The following PCDH15 variants were observed in gnomAD, a reference collection of about 807,000 sequenced individuals.
The protein encoded by PCDH15 is protocadherin-15.
A neutral mutation model predicts 178.5 loss-of-function variants in PCDH15; 129 were observed. The observed-to-expected ratio is 0.72, with a 90% confidence interval of 0.63 to 0.84. The LOEUF is 0.84. Among genes scored for constraint, PCDH15 ranks in the 40% least tolerant of loss-of-function variants. PCDH15 has a pLI of 0.00. For missense variants in PCDH15, 2,230 were observed against 2,099.9 expected, an observed-to-expected ratio of 1.06 and a Z score of -1.21; for synonymous variants, 800 against 732.0, an observed-to-expected ratio of 1.09 and a Z score of -1.50.
At chr10:54,703,164 A>C (rs2095329532) in intron 1 of PCDH15, among the ~76,000 whole-genome samples, 1 of 152,132 alleles carries the variant, frequency 6.6e-6, no homozygotes, top group Middle Eastern at 3.2e-3. Context: ...AAGTCTGTTG[A>C]TAAAATTCAG....
chr10:53,988,690 G>T (rs2091270109), intron 21 of PCDH15, among the ~76,000 whole-genome samples: 1 of 152,048 alleles, frequency 6.6e-6, no homozygotes. Flanking sequence ...TCAGAATAAA[G>T]AATATCATTT....
chr10:55,129,972 T>C (rs1247207669), intron 2 of PCDH15, among the ~76,000 whole-genome samples: 1 of 152,152 alleles, frequency 6.6e-6, no homozygotes, highest in African/African-American at 2.4e-5. Context: ...ATTCCACCTG[T>C]TCAGTCACTT....
intron 8 of PCDH15, among the ~76,000 whole-genome samples, chr10:54,298,937 C>T (rs991646414): frequency 4.6e-5 from 7 of 152,362 alleles, no homozygotes; most frequent in African/African-American, 9.6e-5. Flanking sequence ...CCTACATGCC[C>T]ATGCTGCAAT....
At position 55,404,815 on chromosome 10, in the gene PCDH15, C is replaced by T. The variant is rs532790647; in HGVS notation, c.-156+222810G>A. Among the ~76,000 whole-genome samples the T allele has an allele frequency of 2.0e-5, 3 of 151,668 alleles. No homozygotes were observed. The South Asian group carries it at 6.2e-4, about 31-fold the overall frequency. On this transcript the variant is annotated intron_variant, in intron 2 of 5. Transcript: ENST00000613346. ...TAATAAAAAATACTATCAGACATAC[C>T]TAAACCTAAATAAAAGCCTAAAGAA... is the stretch of plus-strand genomic sequence containing the variant.
intron 5 of PCDH15, among the ~76,000 whole-genome samples, chr10:54,359,158 A>T (rs2134435486): frequency 6.6e-6 from 1 of 152,222 alleles, no homozygotes; most frequent in Middle Eastern, 3.4e-3. Context: ...CTTAAAGTAT[A>T]ATAAAAACAA....
chr10:55,070,799 T>C (rs544102917), intron 2 of PCDH15, among the ~76,000 whole-genome samples: 1 of 152,240 alleles, frequency 6.6e-6, no homozygotes, highest in Non-Finnish European at 1.5e-5. Context: ...AGTAGTTTTT[T>C]CCAATTCTGT....
intron 1 of PCDH15, among the ~76,000 whole-genome samples, chr10:55,245,635 C>G (rs966450703): frequency 6.6e-6 from 1 of 152,102 alleles, no homozygotes; most frequent in African/African-American, 2.4e-5. Context: ...AACCCTCAAA[C>G]AGAGGCGAAT....
At position 54,873,270 on chromosome 10, in the gene PCDH15, T is replaced by C. The variant is rs138803511; in HGVS notation, c.-29+24180A>G. 6.0e-4 allele frequency among the ~76,000 whole-genome samples: 92 copies of C among 152,104 alleles called. 1 individual carries two copies. The highest frequency in any genetic ancestry group is 1.9e-3 in the African/African-American group (78 of 41,540). On this transcript the variant is annotated intron_variant, in intron 3 of 5. Transcript: ENST00000458638. ...ATCCCTAACAAGGTCACAGTATTTG[T>C]CAGCTTATAATGGGGAAAACCAATC...
At chr10:54,544,985 G>T (rs2085682899) in intron 2 of PCDH15, among the ~76,000 whole-genome samples, 1 of 152,056 alleles carries the variant, frequency 6.6e-6, no homozygotes, top group African/African-American at 2.4e-5. Flanking sequence ...ACAAGACCTA[G>T]GAAATGAGAT....
chr10:54,005,011 C>T (rs1376760527), intron 20 of PCDH15, among the ~76,000 whole-genome samples: 1 of 150,044 alleles, frequency 6.7e-6, no homozygotes, highest in Non-Finnish European at 1.5e-5. Context: ...AATAAATTTA[C>T]ACAACTACAG....
chr10:53,955,651 A>G (rs574568876), intron 23 of PCDH15, among the ~76,000 whole-genome samples: 2 of 152,176 alleles, frequency 1.3e-5, no homozygotes, highest in South Asian at 4.1e-4. Context: ...CTTCCCCTAC[A>G]CCCTACAAAG....
intron 25 of PCDH15, among the ~76,000 whole-genome samples, chr10:53,909,891 C>A (rs1349295653): frequency 6.6e-6 from 1 of 152,232 alleles, no homozygotes; most frequent in Non-Finnish European, 1.5e-5. Context: ...GCCCACGAAG[C>A]CTTGCTCACT....
chr10:54,200,269 CTTTTTT>C (rs11377394), intron 10 of PCDH15, among the ~76,000 whole-genome samples: 1 of 106,074 alleles, frequency 9.4e-6, no homozygotes, highest in South Asian at 3.3e-4. Context: ...ACAGAGCCCA[CTTTTTT>C]TTTTTTTTTT....
chr10:54,939,522 A>AAAAAAAAAAAAAAAAC (rs1838005440), intron 2 of PCDH15, among the ~76,000 whole-genome samples: 1 of 149,298 alleles, frequency 6.7e-6, no homozygotes, highest in Non-Finnish European at 1.5e-5. Context: ...AAAAAAAAAA[A>AAAAAAAAAAAAAAAAC]ATCAGTGATG....
intron 13 of PCDH15, among the ~76,000 whole-genome samples, chr10:54,165,418 A>C (rs1296861490): frequency 1.3e-5 from 2 of 152,204 alleles, no homozygotes; most frequent in African/African-American, 4.8e-5. Context: ...TTCCCAAAAA[A>C]AGGCAAGAAA....
At chr10:54,242,700 T>C (rs1346112529) in intron 8 of PCDH15, among the ~76,000 whole-genome samples, 2 of 152,162 alleles carry the variant, frequency 1.3e-5, no homozygotes, top group East Asian at 3.9e-4. Context: ...GTTAAAATAC[T>C]AAATATTCTC....
chr10:54,270,921 G>A (rs2058008433), intron 8 of PCDH15, among the ~76,000 whole-genome samples: 1 of 151,992 alleles, frequency 6.6e-6, no homozygotes, highest in African/African-American at 2.4e-5. Flanking sequence ...ATGTCAGATG[G>A]CAATGGCTGC....
chr10:55,231,604 T>C (rs1039652103), intron 1 of PCDH15, among the ~76,000 whole-genome samples: 2 of 152,012 alleles, frequency 1.3e-5, no homozygotes, highest in Admixed American at 6.6e-5. Context: ...CCATTAAGGA[T>C]AGGAAATTAT....
chr10:54,974,736 G>A (rs1324605415), intron 2 of PCDH15, among the ~76,000 whole-genome samples: 1 of 152,046 alleles, frequency 6.6e-6, no homozygotes, highest in Admixed American at 6.6e-5. Context: ...GCCATCAAGG[G>A]CATATCCTTT....
Sources: gnomAD v4.1 joint callset for allele counts (sites outside exome capture counted in the v4.1 genomes callset) on GRCh38, gnomAD v4.1.1 for gene constraint, MANE v1.5 for transcripts, NCBI Gene and HGNC (gene_info 2026-07-23, HGNC 2026-07-21) for gene names.